TSPAN18: variants seen among roughly 807,000 people sequenced by gnomAD.
The protein encoded by TSPAN18 is tetraspanin-18.
In TSPAN18, 14 loss-of-function variants were observed where a neutral mutation model predicts 27.3. The observed-to-expected ratio is 0.51, with a 90% CI of 0.34 to 0.80. The LOEUF is 0.80. TSPAN18 is among the 30% of genes least tolerant of loss of function. The pLI, the probability that TSPAN18 is intolerant of heterozygous loss-of-function variation, is 0.01. For synonymous variants in TSPAN18, 143 were observed against 136.5 expected (o/e 1.05, Z -0.33); for missense variants, 268 against 323.9 (o/e 0.83, Z 1.32).
chr11:44,917,290 C>T (rs1481763232), intron 5 of TSPAN18, among the ~76,000 whole-genome samples: 2 of 152,332 alleles, frequency 1.3e-5, no homozygotes, highest in East Asian at 3.9e-4. Context: ...CAGTGCCTTC[C>T]TGGCAGAGGT....
At chr11:44,816,257 T>C (rs1856816818) in intron 2 of TSPAN18, among the ~76,000 whole-genome samples, 1 of 152,238 alleles carries the variant, frequency 6.6e-6, no homozygotes, top group Non-Finnish European at 1.5e-5. Context: ...CGATTAGTGA[T>C]GTCTGCCATG....
chr11:44,790,926 A>G (rs552765228), intron 2 of TSPAN18, among the ~76,000 whole-genome samples: 1 of 152,260 alleles, frequency 6.6e-6, no homozygotes, highest in Non-Finnish European at 1.5e-5. Context: ...GGATCCCCTC[A>G]GGAGATGTCA....
At chr11:44,873,124 G>A (rs185482098) in intron 3 of TSPAN18, among the ~76,000 whole-genome samples, 28 of 152,340 alleles carry the variant, frequency 1.8e-4, no homozygotes, top group Middle Eastern at 3.4e-3. Context: ...GTGGTTGTGG[G>A]TTGTTGGAGG....
intron 3 of TSPAN18, among the ~76,000 whole-genome samples, chr11:44,870,305 G>T (rs1463605642): frequency 1.3e-5 from 2 of 152,118 alleles, no homozygotes; most frequent in Non-Finnish European, 2.9e-5. Context: ...CTATAGATTT[G>T]CCTTTTCTGG....
chr11:44,929,830 A>C lies in TSPAN18; in HGVS notation c.*652A>C, dbSNP rs143366353. On this transcript the variant is annotated 3_prime_UTR_variant, in exon 10 of 10. Coordinates refer to ENST00000520358, the MANE Select transcript of TSPAN18 (RefSeq NM_130783.5). The stretch of plus-strand genomic sequence containing the variant: ...GGACAGTGACCATCCACAGACACAC[A>C]GCACAGGCGTGACAGTTCTGAAAAG... 6.5e-6 allele frequency: 1 copy of C among 152,744 alleles called. No homozygotes were observed. Among genetic ancestry groups the C allele is most frequent in the Non-Finnish European group, 1.5e-5 (1 of 68,416 alleles). 9.5% of individuals were successfully genotyped at this position (152,744 alleles called of 1,614,324 possible).
At chr11:44,817,001 G>C (rs1254702869) in intron 2 of TSPAN18, among the ~76,000 whole-genome samples, 9 of 152,258 alleles carry the variant, frequency 5.9e-5, no homozygotes, top group Middle Eastern at 3.2e-3. Context: ...CACATGTGCA[G>C]TGAGCTACTG....
intron 2 of TSPAN18, among the ~76,000 whole-genome samples, chr11:44,807,527 C>CAGAA (rs1565158576): frequency 4.7e-5 from 3 of 64,482 alleles, no homozygotes; most frequent in Non-Finnish European, 8.0e-5. Flanking sequence ...AACTCCATCT[C>CAGAA]AAAAAAAAAA....
chr11:44,851,614 CT>C (rs753827168), intron 2 of TSPAN18, among the ~76,000 whole-genome samples: 7,918 of 141,330 alleles, frequency 0.056, 882 homozygotes, highest in Non-Finnish European at 0.082. Flanking sequence ...CTCTTGTCAC[CT>C]CCCCCCCCCA....
At chr11:44,746,680 C>T (rs907549909) in intron 1 of TSPAN18, among the ~76,000 whole-genome samples, 2 of 152,154 alleles carry the variant, frequency 1.3e-5, no homozygotes, top group African/African-American at 2.4e-5. Context: ...TTGCTTGAGC[C>T]GAGGAGTTAG....
intron 2 of TSPAN18, among the ~76,000 whole-genome samples, chr11:44,823,156 G>GC (rs901013853): frequency 7.9e-5 from 12 of 152,218 alleles, no homozygotes; most frequent in African/African-American, 2.2e-4. Context: ...GGCCGGCAAC[G>GC]CCCCCCCACT....
chr11:44,727,975 T>C (rs1854558185), intron 1 of TSPAN18, among the ~76,000 whole-genome samples: 1 of 152,144 alleles, frequency 6.6e-6, no homozygotes, highest in Admixed American at 6.5e-5. Context: ...TCGCGCCGGC[T>C]CCGGGTCCTG....
chr11:44,776,982 A>G (rs936773407), intron 2 of TSPAN18, among the ~76,000 whole-genome samples: 5 of 152,200 alleles, frequency 3.3e-5, no homozygotes, highest in Admixed American at 3.3e-4. Context: ...CCCTCTCACA[A>G]GCTGGCTTCC....
At chr11:44,924,102 T>TGC (rs892039350) in intron 8 of TSPAN18, among the ~76,000 whole-genome samples, 1 of 148,460 alleles carries the variant, frequency 6.7e-6, no homozygotes, top group African/African-American at 2.5e-5. Context: ...TGGGGTTGTG[T>TGC]GTGTGTGTGT....
At chr11:44,919,751 C>T (rs1184644335) in intron 7 of TSPAN18, 66 bp from the exon 8 acceptor site, 2 of 1,518,584 alleles carry the variant, frequency 1.3e-6, no homozygotes, top group African/African-American at 2.7e-5. Flanking sequence ...GCTGTATGTC[C>T]TTCTCTGTCC....
chr11:44,908,769 G>GAAAGAAAAGAA (rs1554938043), intron 4 of TSPAN18, among the ~76,000 whole-genome samples: 22 of 71,698 alleles, frequency 3.1e-4, no homozygotes, highest in African/African-American at 1.3e-3. Flanking sequence ...AGAGAGAAAG[G>GAAAGAAAAGAA]AGAAAGAAAG....
At chr11:44,737,619 CTTAG>C (rs1270663501) in intron 1 of TSPAN18, among the ~76,000 whole-genome samples, 2 of 152,216 alleles carry the variant, frequency 1.3e-5, no homozygotes, top group African/African-American at 2.4e-5. Flanking sequence ...AGCTTACACA[CTTAG>C]TTAGGAAAAC....
At chr11:44,828,982 C>T (rs1337862391) in intron 2 of TSPAN18, among the ~76,000 whole-genome samples, 1 of 152,166 alleles carries the variant, frequency 6.6e-6, no homozygotes, top group Non-Finnish European at 1.5e-5. Flanking sequence ...AATCCCATCT[C>T]TCTACTATAA....
At chr11:44,822,180 T>C (rs1235831110) in intron 2 of TSPAN18, among the ~76,000 whole-genome samples, 2 of 152,104 alleles carry the variant, frequency 1.3e-5, no homozygotes, top group Non-Finnish European at 2.9e-5. Context: ...ATTCAGTAAA[T>C]AGTTCCCAAT....
chr11:44,795,537 C>T (rs835848), intron 2 of TSPAN18, among the ~76,000 whole-genome samples: 26,029 of 152,002 alleles, frequency 0.17, 2,394 homozygotes, highest in African/African-American at 0.2. Flanking sequence ...TGCAATAGTC[C>T]AAGCGAGTTC....
Sources: allele counts gnomAD v4.1 joint callset (sites outside exome capture counted in the v4.1 genomes callset), GRCh38; gene constraint gnomAD v4.1.1; transcripts MANE v1.5; gene names NCBI Gene and HGNC (gene_info 2026-07-23, HGNC 2026-07-21).